PDS5B: variants seen among roughly 807,000 people sequenced by gnomAD.
PDS5B encodes the protein sister chromatid cohesion protein PDS5 homolog B.
Under a neutral mutation model 184.1 loss-of-function variants are expected in PDS5B, and 51 were observed. That is an observed-to-expected ratio of 0.28 (90% CI 0.22 to 0.35). PDS5B has a LOEUF of 0.35. PDS5B is among the 10% of genes least tolerant of loss of function. The pLI is 1.00. For missense variants in PDS5B, 1,180 were observed against 1,723.3 expected, an observed-to-expected ratio of 0.68 and a Z score of 5.58; for synonymous variants, 566 against 569.2, an observed-to-expected ratio of 0.99 and a Z score of 0.08.
At chr13:32,666,479 G>T (rs965257362) in intron 6 of PDS5B, among the ~76,000 whole-genome samples, 4 of 152,054 alleles carry the variant, frequency 2.6e-5, no homozygotes, top group African/African-American at 9.7e-5. Flanking sequence ...CCAGGACAAA[G>T]AAAACATAAA....
In PDS5B at chr13:32,673,293, G is replaced by A. The variant is rs1367650525; in HGVS notation, c.783G>A (p.Glu261=). 6 of 1,612,924 alleles carry A rather than the reference G, an allele frequency of 3.7e-6. No individual in the cohort carries two copies. The Admixed American group carries it at 6.7e-5, about 18-fold the overall frequency. The part of the protein sequence containing the change: ...LSEHVFDLIL[E]LYNIDSHLLL... ...AGCATGTCTTTGACTTAATTTTGGA[G>A]CTCTACAATATTGATAGTCATTTGC... Residue 261 remains glutamate, a synonymous_variant, in exon 8 of 35, where the codon GAG becomes GAA. Coordinates refer to ENST00000315596, the MANE Select transcript of PDS5B (RefSeq NM_015032.4).
At chr13:32,745,835 A>G (rs956561364) in intron 23 of PDS5B, 142 bp from the exon 24 acceptor site, 1 of 662,566 alleles carries the variant, frequency 1.5e-6, no homozygotes, top group African/African-American at 1.8e-5. Context: ...CAACATAGGA[A>G]TTTTGGGGGA....
chr13:32,776,667 C>A lies in PDS5B; in HGVS notation c.*1615C>A, dbSNP rs944378290. 2.0e-5 allele frequency: 3 copies of A among 152,244 alleles called. No individual in the cohort carries two copies. Among genetic ancestry groups the A allele is most frequent in the Admixed American group, 1.3e-4 (2 of 15,236 alleles). 9.4% of individuals were successfully genotyped at this position (152,244 alleles called of 1,614,324 possible). Reference sequence around the variant, plus strand: ...TAGTGGAACATTTTCATATGATACACCATTATGTTTAAGATATATTTCCAA... The same window carrying A: ...TAGTGGAACATTTTCATATGATACAACATTATGTTTAAGATATATTTCCAA... On this transcript the variant is annotated 3_prime_UTR_variant, in exon 35 of 35. Transcript: ENST00000315596.
intron 19 of PDS5B, among the ~76,000 whole-genome samples, chr13:32,729,535 A>G (rs143844826): frequency 6.6e-6 from 1 of 152,262 alleles, no homozygotes; most frequent in African/African-American, 2.4e-5. Context: ...GTCTTCCACA[A>G]TGGTTGAATT....
chr13:32,629,030 A>G (rs1478601320), intron 1 of PDS5B, among the ~76,000 whole-genome samples: 4 of 152,222 alleles, frequency 2.6e-5, no homozygotes, highest in Admixed American at 1.3e-4. Context: ...AAAGGCTGTA[A>G]TAATTCACAT....
chr13:32,683,312 A>G (rs1320582764), intron 10 of PDS5B, among the ~76,000 whole-genome samples: 2 of 147,272 alleles, frequency 1.4e-5, no homozygotes, highest in Non-Finnish European at 3.0e-5. Context: ...CCTGGCCTTT[A>G]AAATTTTTTT....
Position 32,646,369 on chromosome 13 carries a change from G to GTTTT in PDS5B, c.-19-2365_-19-2362dup, listed in dbSNP as rs58539534. On this transcript the variant is annotated intron_variant, in intron 1 of 34. Transcript: ENST00000315596. ...CAATGATTTATTCTCTCATGGCTGTGTTTTTTTTTTTTTTTTTTTTTTTGC... is the reference window on the plus strand; with the variant it reads ...CAATGATTTATTCTCTCATGGCTGTGTTTTTTTTTTTTTTTTTTTTTTTTTTTGC... 9.2e-4 allele frequency among the ~76,000 whole-genome samples: 98 copies of GTTTT among 106,022 alleles called. 2 individuals are homozygous for GTTTT. Among genetic ancestry groups the GTTTT allele is most frequent in the South Asian group, 1.6e-3 (4 of 2,508 alleles). The allele number at this position is 106,022 out of a possible 152,430, so 69.6% of individuals were successfully genotyped here. A position where few individuals can be genotyped will look rare whatever the true frequency, so the allele number is the denominator to read the frequency against.
At chr13:32,603,209 A>G (rs990430275) in intron 1 of PDS5B, among the ~76,000 whole-genome samples, 7 of 152,182 alleles carry the variant, frequency 4.6e-5, no homozygotes, top group African/African-American at 1.7e-4. Context: ...GTTTTCTTCT[A>G]GAGTTTTTAT....
intron 1 of PDS5B, among the ~76,000 whole-genome samples, chr13:32,611,159 C>T (rs1046680612): frequency 6.6e-6 from 1 of 152,128 alleles, no homozygotes; most frequent in Non-Finnish European, 1.5e-5. Flanking sequence ...CCTTTCTAAG[C>T]GTTTTCTGCA....
chr13:32,706,331 CAT>C (rs1399102479), intron 17 of PDS5B, among the ~76,000 whole-genome samples: 1 of 145,644 alleles, frequency 6.9e-6, no homozygotes, highest in African/African-American at 2.6e-5. Flanking sequence ...AATAAAATAA[CAT>C]AAGCTTGTTT....
intron 14 of PDS5B, among the ~76,000 whole-genome samples, chr13:32,695,238 A>G (rs1951668226): frequency 6.6e-6 from 1 of 151,820 alleles, no homozygotes; most frequent in African/African-American, 2.4e-5. Flanking sequence ...TTTGAGTAGT[A>G]TTTTTGTTTT....
chr13:32,704,760 C>T (rs1286485992), intron 17 of PDS5B, among the ~76,000 whole-genome samples: 1 of 152,186 alleles, frequency 6.6e-6, no homozygotes, highest in Non-Finnish European at 1.5e-5. Flanking sequence ...ATTAATTCTT[C>T]CATATGAGAC....
rs565721428 is a variant in PDS5B at position 32,688,229 on chromosome 13, T to C, written c.1356-227T>C. ...CATAATGTGCCCAACATCCTGAAGATGGTAGTTGTCTTAGCTGGGTGTAGG... is the reference window on the plus strand; with the variant it reads ...CATAATGTGCCCAACATCCTGAAGACGGTAGTTGTCTTAGCTGGGTGTAGG... On this transcript the variant is annotated intron_variant, in intron 12 of 34. Transcript: ENST00000315596. Among the ~76,000 whole-genome samples the C allele has an allele frequency of 4.0e-5, 6 of 151,782 alleles. No individual in the cohort carries two copies. The South Asian group carries it at 1.2e-3, about 32-fold the overall frequency.
intron 1 of PDS5B, among the ~76,000 whole-genome samples, chr13:32,611,522 T>TC (rs1202378259): frequency 1.3e-5 from 2 of 150,088 alleles, no homozygotes; most frequent in Non-Finnish European, 3.0e-5. Flanking sequence ...TTTTTTTTTT[T>TC]TTGGAGACCA....
intron 1 of PDS5B, among the ~76,000 whole-genome samples, chr13:32,593,971 A>G (rs1408813419): frequency 6.6e-6 from 1 of 152,218 alleles, no homozygotes; most frequent in African/African-American, 2.4e-5. Flanking sequence ...TCAACTAGCT[A>G]GAAGAGAGGC....
intron 1 of PDS5B, among the ~76,000 whole-genome samples, chr13:32,598,874 C>G (rs2057924252): frequency 6.6e-6 from 1 of 151,222 alleles, no homozygotes; most frequent in South Asian, 2.1e-4. Flanking sequence ...GGGTTCACGC[C>G]ATTCTCCTGC....
intron 19 of PDS5B, among the ~76,000 whole-genome samples, chr13:32,726,082 A>C (rs1952889288): frequency 6.6e-6 from 1 of 151,818 alleles, no homozygotes. Context: ...TAAAGGAAGC[A>C]AGATAAATTT....
At chr13:32,718,984 A>G (rs867290939) in intron 19 of PDS5B, among the ~76,000 whole-genome samples, 79 of 152,238 alleles carry the variant, frequency 5.2e-4, no homozygotes, top group African/African-American at 1.8e-3. Flanking sequence ...TAGACTGCTT[A>G]CTTTGATTTT....
chr13:32,769,723 T>C (rs1358018583), intron 31 of PDS5B, among the ~76,000 whole-genome samples: 3 of 152,234 alleles, frequency 2.0e-5, no homozygotes, highest in Non-Finnish European at 4.4e-5. Context: ...TCTTACGCAC[T>C]ATGTGGTAAA....
Sources: allele counts gnomAD v4.1 joint callset (sites outside exome capture counted in the v4.1 genomes callset), GRCh38; gene constraint gnomAD v4.1.1; transcripts MANE v1.5; gene names NCBI Gene and HGNC (gene_info 2026-07-23, HGNC 2026-07-21).